The following CAMTA1 variants were observed in gnomAD, a reference collection of about 807,000 sequenced individuals.
CAMTA1 encodes calmodulin binding transcription activator 1, also known as calmodulin-binding transcription activator 1.
CAMTA1 carries 27 observed loss-of-function variants against 170.9 expected under a neutral mutation model. The ratio of observed to expected loss-of-function variants is 0.16; its 90% confidence interval spans 0.12 to 0.22. The LOEUF is 0.22. Among genes scored for constraint, CAMTA1 ranks in the 10% least tolerant of loss-of-function variants. CAMTA1 has a pLI of 1.00. For missense variants in CAMTA1, 1,619 were observed against 2,217.2 expected (o/e 0.73, Z 5.42); for synonymous variants, 833 against 891.5 (o/e 0.93, Z 1.17).
intron 4 of CAMTA1, among the ~76,000 whole-genome samples, chr1:7,141,287 T>G (rs1645874021): frequency 6.6e-6 from 1 of 152,232 alleles, no homozygotes; most frequent in African/African-American, 2.4e-5. Context: ...GCATCTGTTC[T>G]CACAGTGGCA....
chr1:7,688,607 G>A (rs983597875), intron 11 of CAMTA1, among the ~76,000 whole-genome samples: 25 of 152,292 alleles, frequency 1.6e-4, no homozygotes, highest in African/African-American at 5.3e-4. Flanking sequence ...TTGGGGGCTA[G>A]GGCAGCCTCT....
chr1:7,633,925 A>G lies in CAMTA1; in HGVS notation c.511-6475A>G, dbSNP rs940302018. Among the ~76,000 whole-genome samples, 7 of 152,238 alleles carry G rather than the reference A, an allele frequency of 4.6e-5. No homozygotes were observed. The highest frequency in any genetic ancestry group is 7.3e-5 in the Non-Finnish European group (5 of 68,042). ...GAAAGTGACCTGGGACCAATGTGGC[A>G]TGGAGCGTGGCAGCCAGAGACCACA... On this transcript the variant is annotated intron_variant, in intron 6 of 22. Coordinates refer to ENST00000303635, the MANE Select transcript of CAMTA1 (RefSeq NM_015215.4). This position sits in a 1 kb window ranked among gnomAD's most constrained non-coding sequence, Gnocchi z 4.1.
At chr1:7,210,578 G>C (rs984597316) in intron 4 of CAMTA1, among the ~76,000 whole-genome samples, 4 of 152,158 alleles carry the variant, frequency 2.6e-5, no homozygotes, top group Admixed American at 2.6e-4. Context: ...GTTTAGGTCT[G>C]TGTAAGTAGC....
At chr1:7,558,194 C>G (rs930695247) in intron 6 of CAMTA1, among the ~76,000 whole-genome samples, 7 of 152,226 alleles carry the variant, frequency 4.6e-5, no homozygotes, top group Non-Finnish European at 1.0e-4. Flanking sequence ...AGCTCCGCCT[C>G]GGGGCCGCAT....
intron 3 of CAMTA1, among the ~76,000 whole-genome samples, chr1:6,905,081 A>C (rs1037383430): frequency 1.3e-5 from 2 of 151,658 alleles, no homozygotes; most frequent in African/African-American, 4.8e-5. Context: ...AAGATCCATA[A>C]ATTCTGCCTG....
At chr1:7,678,700 G>A (rs754954551) in intron 11 of CAMTA1, among the ~76,000 whole-genome samples, 22 of 152,196 alleles carry the variant, frequency 1.4e-4, no homozygotes, top group Non-Finnish European at 2.4e-4. Context: ...GCCCACAGAG[G>A]TGACACTCCA....
chr1:7,139,000 A>AATAT (rs1365500875), intron 4 of CAMTA1, among the ~76,000 whole-genome samples: 4 of 144,624 alleles, frequency 2.8e-5, no homozygotes, highest in Admixed American at 2.1e-4. Context: ...GTCTCAAAAA[A>AATAT]ATATATATAT....
chr1:7,617,035 T>A lies in CAMTA1; in HGVS notation c.511-23365T>A, dbSNP rs576904145. ...AGAGGGTTGAGCTCGTGGGGTAAAGTGTGGCTGCAACTGCTCTTTCTGTTC... is the reference window on the plus strand; with the variant it reads ...AGAGGGTTGAGCTCGTGGGGTAAAGAGTGGCTGCAACTGCTCTTTCTGTTC... On this transcript the variant is annotated intron_variant, in intron 6 of 22. Transcript: ENST00000303635. Among the ~76,000 whole-genome samples the A allele has an allele frequency of 8.5e-5, 13 of 152,284 alleles. No homozygotes were observed. In the South Asian group the frequency reaches 2.3e-3, roughly 27 times the overall value.
Position 6,822,766 on chromosome 1 carries a change from T to G in CAMTA1, c.116-2326T>G, listed in dbSNP as rs577392204. Among the ~76,000 whole-genome samples the G allele has an allele frequency of 2.0e-5, 3 of 151,244 alleles. No homozygotes were observed. The South Asian group carries it at 6.3e-4, about 32-fold the overall frequency. ...TTTCTATAGCAGTTAATTGTGCTGTTGAGAAGAGTACCTTTATTACATAAA... is the reference window on the plus strand; with the variant it reads ...TTTCTATAGCAGTTAATTGTGCTGTGGAGAAGAGTACCTTTATTACATAAA... On this transcript the variant is annotated intron_variant, in intron 2 of 22. Coordinates refer to ENST00000303635, the MANE Select transcript of CAMTA1 (RefSeq NM_015215.4).
chr1:6,879,751 C>T (rs984931786), intron 3 of CAMTA1, among the ~76,000 whole-genome samples: 96 of 151,958 alleles, frequency 6.3e-4, no homozygotes, highest in African/African-American at 2.1e-3. Flanking sequence ...GCCTCAACCT[C>T]CCGAGTAGCT....
intron 20 of CAMTA1, 80 bp downstream of exon 20, chr1:7,751,472 G>A: frequency 7.7e-7 from 1 of 1,293,172 alleles, no homozygotes; most frequent in Non-Finnish European, 1.1e-6. Context: ...GTCCTGGGCT[G>A]ACATTGGAGT....
chr1:7,696,548 T>C (rs888142417), intron 11 of CAMTA1, among the ~76,000 whole-genome samples: 1 of 151,632 alleles, frequency 6.6e-6, no homozygotes, highest in African/African-American at 2.4e-5. Context: ...AGCCACACCA[T>C]GACAGCTTGA....
chr1:7,391,213 T>C (rs2088672674), intron 5 of CAMTA1, among the ~76,000 whole-genome samples: 1 of 152,142 alleles, frequency 6.6e-6, no homozygotes, highest in Admixed American at 6.5e-5. Flanking sequence ...GTCAGGCTGG[T>C]CTCCAACTCC....
At chr1:7,005,723 G>C (rs559840121) in intron 3 of CAMTA1, among the ~76,000 whole-genome samples, 249 of 152,342 alleles carry the variant, frequency 1.6e-3, no homozygotes, top group African/African-American at 5.9e-3. Flanking sequence ...AGGATGGCTT[G>C]GGAAGGCTTC....
At chr1:7,743,379 G>A (rs1364960222) in intron 16 of CAMTA1, among the ~76,000 whole-genome samples, 1 of 151,816 alleles carries the variant, frequency 6.6e-6, no homozygotes, top group East Asian at 1.9e-4. Flanking sequence ...AAATGCTCAG[G>A]GGATGGCTTC....
intron 3 of CAMTA1, among the ~76,000 whole-genome samples, chr1:6,888,616 C>A (rs1673836412): frequency 6.6e-6 from 1 of 152,038 alleles, no homozygotes; most frequent in Non-Finnish European, 1.5e-5. Flanking sequence ...CAAGATAAAT[C>A]AAAATATTTT....
At chr1:6,960,258 GGCAGAGA>G (rs1291352790) in intron 3 of CAMTA1, among the ~76,000 whole-genome samples, 1 of 152,154 alleles carries the variant, frequency 6.6e-6, no homozygotes, top group Non-Finnish European at 1.5e-5. Flanking sequence ...TTTTCCTGGG[GGCAGAGA>G]GCAGTTAAAC....
At chr1:7,753,781 C>T (rs975115103) in intron 21 of CAMTA1, among the ~76,000 whole-genome samples, 1 of 152,186 alleles carries the variant, frequency 6.6e-6, no homozygotes. Flanking sequence ...AATGTTCACT[C>T]GCCCTGTGCC....
intron 10 of CAMTA1, among the ~76,000 whole-genome samples, chr1:7,675,778 T>G (rs2096113073): frequency 6.6e-6 from 1 of 152,082 alleles, no homozygotes; most frequent in South Asian, 2.1e-4. Flanking sequence ...GCTGATGGAC[T>G]GCATGAGCGG....
Sources: allele counts gnomAD v4.1 joint callset (sites outside exome capture counted in the v4.1 genomes callset), GRCh38; gene constraint gnomAD v4.1.1; non-coding constraint Gnocchi (gnomAD v3.1); transcripts MANE v1.5; gene names NCBI Gene and HGNC (gene_info 2026-07-23, HGNC 2026-07-21).